Variants in LRRC4C observed in about 807,000 individuals in gnomAD.
LRRC4C encodes leucine rich repeat containing 4C.
Under a neutral mutation model 33.6 loss-of-function variants are expected in LRRC4C, and 5 were observed. The observed-to-expected ratio is 0.15, with a 90% CI of 0.08 to 0.31. The LOEUF is 0.31. LRRC4C is among the 10% of genes least tolerant of loss of function. The pLI is 1.00. For missense variants in LRRC4C, 560 were observed against 796.7 expected, an observed-to-expected ratio of 0.70 and a Z score of 3.58; for synonymous variants, 329 against 302.0, an observed-to-expected ratio of 1.09 and a Z score of -0.93.
chr11:40,852,128 G>GA (rs1255494492), intron 2 of LRRC4C, among the ~76,000 whole-genome samples: 1 of 142,014 alleles, frequency 7.0e-6, no homozygotes, highest in Admixed American at 7.1e-5. Flanking sequence ...TGCACTACTA[G>GA]ATTTTTTTTT....
At chr11:41,442,627 G>A (rs1157810284) in intron 1 of LRRC4C, among the ~76,000 whole-genome samples, 1 of 151,282 alleles carries the variant, frequency 6.6e-6, no homozygotes, top group Admixed American at 6.6e-5. Context: ...CCATCACCAC[G>A]CCCAGCTAAT....
At chr11:41,440,316 A>G (rs956950521) in intron 1 of LRRC4C, among the ~76,000 whole-genome samples, 4 of 152,136 alleles carry the variant, frequency 2.6e-5, no homozygotes, top group Non-Finnish European at 2.9e-5. Flanking sequence ...AACTAGAGTG[A>G]AAGGGGGAGA....
chr11:40,574,974 T>A (rs1431827429), intron 3 of LRRC4C, among the ~76,000 whole-genome samples: 2 of 152,244 alleles, frequency 1.3e-5, no homozygotes, highest in East Asian at 3.9e-4. Flanking sequence ...AAGACCACTG[T>A]ATGGGCACAT....
At chr11:40,191,622 C>T (rs754080323) in intron 5 of LRRC4C, among the ~76,000 whole-genome samples, 50 of 152,136 alleles carry the variant, frequency 3.3e-4, no homozygotes, top group Non-Finnish European at 6.8e-4. Flanking sequence ...ATTTGTCATT[C>T]AGAGTTTACA....
chr11:41,082,897 GATA>G (rs1462524369), intron 1 of LRRC4C, among the ~76,000 whole-genome samples: 2 of 152,018 alleles, frequency 1.3e-5, no homozygotes, highest in Non-Finnish European at 2.9e-5. Flanking sequence ...TTATTATAGT[GATA>G]ATATGTTTGA....
At chr11:41,429,576 T>C (rs1955164271) in intron 1 of LRRC4C, among the ~76,000 whole-genome samples, 3 of 152,240 alleles carry the variant, frequency 2.0e-5, no homozygotes, top group Admixed American at 2.0e-4. Flanking sequence ...TTTTGCATTG[T>C]GGGAACAATG....
At chr11:40,287,644 A>G (rs1943936649) in intron 4 of LRRC4C, among the ~76,000 whole-genome samples, 1 of 152,172 alleles carries the variant, frequency 6.6e-6, no homozygotes, top group South Asian at 2.1e-4. Context: ...GAAAGATGCA[A>G]CTGATTCTTG....
At position 41,123,254 on chromosome 11, in the gene LRRC4C, ATGTTT is replaced by A. The variant is rs551777186; in HGVS notation, c.-495-189536_-495-189532del. 6.5e-4 allele frequency among the ~76,000 whole-genome samples: 55 copies of A among 84,968 alleles called. 6 individuals are homozygous for A. Among genetic ancestry groups the A allele is most frequent in the South Asian group, 3.7e-3 (9 of 2,442 alleles). The allele number at this position is 84,968 out of a possible 152,430, so 55.7% of individuals were successfully genotyped here. ...ATAAATGCTTTCTCTATCCTGAGCTATGTTTTGTTTTTTTTTTTTTTTTTTTTTTT... is the reference window on the plus strand; with the variant it reads ...ATAAATGCTTTCTCTATCCTGAGCTATGTTTTTTTTTTTTTTTTTTTTTTT... On this transcript the variant is annotated intron_variant, in intron 1 of 6. Transcript: ENST00000528697.
intron 4 of LRRC4C, among the ~76,000 whole-genome samples, chr11:40,262,512 C>T (rs561638926): frequency 1.3e-5 from 2 of 152,204 alleles, no homozygotes; most frequent in African/African-American, 2.4e-5. Context: ...AAATCATTCT[C>T]CTATAAAGCC....
chr11:41,113,051 A>G lies in LRRC4C; in HGVS notation c.-495-179328T>C, dbSNP rs527841842. Among the ~76,000 whole-genome samples, 89 of 152,246 alleles carry G rather than the reference A, an allele frequency of 5.8e-4. 1 individual carries two copies. In the South Asian group the frequency reaches 0.012, roughly 20 times the overall value. On this transcript the variant is annotated intron_variant, in intron 1 of 6. Coordinates refer to ENST00000528697, the MANE Select transcript of LRRC4C (RefSeq NM_001258419.2). ...ATTTGTGTATAGGTTGAGACATATT[A>G]TGATATTTTAAATTTTGCAAACAAT...
intron 1 of LRRC4C, among the ~76,000 whole-genome samples, chr11:41,393,337 G>T (rs1953678273): frequency 6.6e-6 from 1 of 151,824 alleles, no homozygotes; most frequent in Non-Finnish European, 1.5e-5. Flanking sequence ...TTTCCTTTGA[G>T]ATTAGGAATA....
chr11:40,216,790 G>A (rs1394057217), intron 5 of LRRC4C, among the ~76,000 whole-genome samples: 1 of 152,150 alleles, frequency 6.6e-6, no homozygotes, highest in East Asian at 1.9e-4. Flanking sequence ...TTTGCTAACA[G>A]GTCATCAGAG....
chr11:40,300,167 C>A (rs1944701341), intron 4 of LRRC4C, among the ~76,000 whole-genome samples: 1 of 152,044 alleles, frequency 6.6e-6, no homozygotes, highest in Non-Finnish European at 1.5e-5. Flanking sequence ...AACTCACTAA[C>A]GTGAGGAGAG....
intron 1 of LRRC4C, among the ~76,000 whole-genome samples, chr11:40,956,037 A>G (rs1273739767): frequency 6.6e-6 from 1 of 151,834 alleles, no homozygotes; most frequent in African/African-American, 2.4e-5. Context: ...TTGGTTTTCT[A>G]TATACTCCTG....
intron 3 of LRRC4C, among the ~76,000 whole-genome samples, chr11:40,582,881 T>A (rs1478179992): frequency 6.6e-6 from 1 of 152,170 alleles, no homozygotes; most frequent in Non-Finnish European, 1.5e-5. Context: ...ATGATATGTT[T>A]TGATACATGC....
chr11:40,433,046 A>G, intron 3 of LRRC4C, among the ~76,000 whole-genome samples: 1 of 152,306 alleles, frequency 6.6e-6, no homozygotes, highest in East Asian at 1.9e-4. Flanking sequence ...TTGATTATTT[A>G]ACTTACTAAA....
chr11:40,443,940 A>T (rs1951509938), intron 3 of LRRC4C, among the ~76,000 whole-genome samples: 2 of 152,198 alleles, frequency 1.3e-5, no homozygotes, highest in Admixed American at 1.3e-4. Context: ...ATTTTATATG[A>T]TGTAAGTTAG....
chr11:40,476,300 C>T (rs1305923742), intron 3 of LRRC4C, among the ~76,000 whole-genome samples: 1 of 150,616 alleles, frequency 6.6e-6, no homozygotes, highest in Admixed American at 6.6e-5. Flanking sequence ...GACTAACATC[C>T]TGTAAAGGGA....
At chr11:41,303,616 G>T (rs1488673534) in intron 1 of LRRC4C, among the ~76,000 whole-genome samples, 32 of 34,850 alleles carry the variant, frequency 9.2e-4, no homozygotes, top group African/African-American at 2.9e-3. Context: ...GTCTCCGCCC[G>T]GCCGCCATCC....
Sources: gnomAD v4.1 joint callset for allele counts (sites outside exome capture counted in the v4.1 genomes callset) on GRCh38, gnomAD v4.1.1 for gene constraint, MANE v1.5 for transcripts, NCBI Gene and HGNC (gene_info 2026-07-23, HGNC 2026-07-21) for gene names.